CACNA1A: variants seen among roughly 807,000 people sequenced by gnomAD.
CACNA1A encodes calcium voltage-gated channel subunit alpha1 A, also known as voltage-dependent P/Q-type calcium channel subunit alpha-1A.
In CACNA1A, 57 loss-of-function variants were observed where a neutral mutation model predicts 262.4. That is an observed-to-expected ratio of 0.22 (90% CI 0.18 to 0.27). The LOEUF is 0.27. Ranked by LOEUF, CACNA1A falls within the 10% of genes least tolerant of loss-of-function variation. CACNA1A has a pLI of 1.00. For missense variants in CACNA1A, 2,526 were observed against 3,562.8 expected (o/e 0.71, Z 7.41); for synonymous variants, 1,431 against 1,419.3 (o/e 1.01, Z -0.18).
At chr19:13,497,575 TATATAA>T (rs1981840392) in intron 1 of CACNA1A, among the ~76,000 whole-genome samples, 1 of 36,300 alleles carries the variant, frequency 2.8e-5, no homozygotes, top group African/African-American at 1.1e-4. Flanking sequence ...TATATATATA[TATATAA>T]ATTTATGTTG....
chr19:13,225,850 TATTA>T (rs1437052957), intron 37 of CACNA1A: 5 of 152,134 alleles, frequency 3.3e-5, no homozygotes, highest in African/African-American at 7.2e-5. Flanking sequence ...TGTACTTATT[TATTA>T]ATTAAAATAT....
rs573365997 is a variant in CACNA1A at position 13,285,104 on chromosome 19, G to A, written c.3656C>T (p.Pro1219Leu). The part of the protein sequence containing the change: ...RGEDGPKPMP[P>L]YSSMFILSTT... The stretch of plus-strand genomic sequence containing the variant: ...GGACAGGATGAACATGGAGCTATAG[G>A]GAGGCATTGGCTTAGGGCCGTCTTC... The change falls in exon 21 of 47, where the codon CCC becomes CTC. Residue 1219 changes from proline (P) to leucine (L), a missense_variant. Coordinates refer to ENST00000360228, the MANE Select transcript of CACNA1A (RefSeq NM_001127222.2). The A allele has an allele frequency of 2.5e-6, 4 of 1,613,988 alleles. No individual in the cohort carries two copies. The Admixed American group carries it at 5.0e-5, about 20-fold the overall frequency.
intron 3 of CACNA1A, among the ~76,000 whole-genome samples, chr19:13,448,416 G>A (rs1218256385): frequency 6.6e-6 from 1 of 152,028 alleles, no homozygotes; most frequent in Non-Finnish European, 1.5e-5. Context: ...CTTAATACGT[G>A]GGTGATGAAA....
rs962190875 is a variant in CACNA1A at position 13,207,618 on chromosome 19, G to A, written c.7216C>T (p.His2406Tyr). ...HVSEGPPGPR[H>Y]HGYYRGSDYD... is the part of the protein sequence containing the mutation. ...TCGGAGCCCCGGTAGTAGCCATGGT[G>A]CCGGGGACCCGGGGGCCCCTCGGAC... The change falls in exon 47 of 47, where the codon CAC (histidine) becomes TAC (tyrosine). Residue 2406 changes from histidine (H) to tyrosine (Y), a missense_variant. This residue lies in a region of CACNA1A where 929 missense variants were observed against 868.1 expected (regional missense o/e 1.07). Coordinates refer to ENST00000360228, the MANE Select transcript of CACNA1A (RefSeq NM_001127222.2). The surrounding 1 kb of genome is among the most constrained non-coding windows in gnomAD (Gnocchi z 5.7). 3.4e-6 allele frequency: 5 copies of A among 1,479,958 alleles called. No individual in the cohort carries two copies. The African/African-American group carries it at 5.9e-5, about 17-fold the overall frequency. The allele number at this position is 1,479,958 out of a possible 1,614,324, so 91.7% of individuals were successfully genotyped here. A position where few individuals can be genotyped will look rare whatever the true frequency, so the allele number is the denominator to read the frequency against.
At chr19:13,359,882 G>A in intron 5 of CACNA1A, 83 bp from the exon 6 acceptor site, 1 of 901,640 alleles carries the variant, frequency 1.1e-6, no homozygotes, top group Non-Finnish European at 1.6e-6. Context: ...ACTCTATAAT[G>A]CTGTTGGAAC....
chr19:13,309,459 G>A (rs1475144647), intron 12 of CACNA1A, among the ~76,000 whole-genome samples: 1 of 151,556 alleles, frequency 6.6e-6, no homozygotes, highest in Non-Finnish European at 1.5e-5. Flanking sequence ...TTGGGAGGCC[G>A]AGGTGGGCAG....
At chr19:13,447,513 G>GATGTATAT (rs1363978789) in intron 3 of CACNA1A, among the ~76,000 whole-genome samples, 1 of 152,200 alleles carries the variant, frequency 6.6e-6, no homozygotes, top group Admixed American at 6.5e-5. Flanking sequence ...TAACAGGATA[G>GATGTATAT]ATGTATATAT....
intron 3 of CACNA1A, among the ~76,000 whole-genome samples, chr19:13,390,599 A>AC (rs763108413): frequency 6.6e-6 from 1 of 152,192 alleles, no homozygotes; most frequent in Non-Finnish European, 1.5e-5. Flanking sequence ...ATTTAAAATG[A>AC]CCACACAGTG....
intron 19 of CACNA1A, among the ~76,000 whole-genome samples, chr19:13,290,306 A>C (rs778558738): frequency 2.0e-5 from 3 of 152,108 alleles, no homozygotes. Flanking sequence ...CCCTAATTCT[A>C]ACCTGCTTGT....
chr19:13,466,037 T>G (rs186045493), intron 1 of CACNA1A, among the ~76,000 whole-genome samples: 2,151 of 152,130 alleles, frequency 0.014, 55 homozygotes, highest in African/African-American at 0.049. Flanking sequence ...GACTGCTTAA[T>G]GGGTACAAGG....
At chr19:13,378,732 G>A (rs117075005) in intron 3 of CACNA1A, among the ~76,000 whole-genome samples, 13,968 of 150,604 alleles carry the variant, frequency 0.093, 656 homozygotes, top group Middle Eastern at 0.15. Flanking sequence ...GTGCAATCTC[G>A]GCTCACTGCA....
At chr19:13,478,658 A>G (rs10425651) in intron 1 of CACNA1A, among the ~76,000 whole-genome samples, 25,162 of 152,148 alleles carry the variant, frequency 0.17, 3,689 homozygotes, top group African/African-American at 0.37. Flanking sequence ...AATTGGGCAA[A>G]GGTATAAGTA....
intron 6 of CACNA1A, among the ~76,000 whole-genome samples, chr19:13,336,594 G>GGAGAGAGAGGGGGAGAGAGA (rs1555768093): frequency 3.1e-5 from 2 of 65,508 alleles, no homozygotes; most frequent in African/African-American, 5.1e-5. Flanking sequence ...AGAGAGAGAG[G>GGAGAGAGAGGGGGAGAGAGA]GAGAGAGAGA....
chr19:13,443,683 T>C (rs2144890156), intron 3 of CACNA1A, among the ~76,000 whole-genome samples: 1 of 152,244 alleles, frequency 6.6e-6, no homozygotes, highest in African/African-American at 2.4e-5. Context: ...ACCTCATAAG[T>C]TTCAGCTTAT....
chr19:13,502,586 C>T (rs1982519296), intron 1 of CACNA1A, among the ~76,000 whole-genome samples: 1 of 152,158 alleles, frequency 6.6e-6, no homozygotes, highest in Admixed American at 6.5e-5. Context: ...TCAATGAAAA[C>T]ATGAAACCAA....
chr19:13,497,504 AAAAAAAAAAAAAAAAAAATATAT>A (rs1981705221), intron 1 of CACNA1A, among the ~76,000 whole-genome samples: 3 of 40,010 alleles, frequency 7.5e-5, no homozygotes, highest in African/African-American at 1.0e-4. Context: ...AAAAAAAAAA[AAAAAAAAAAAAAAAAAAATATAT>A]ATATATATAT....
intron 3 of CACNA1A, among the ~76,000 whole-genome samples, chr19:13,415,800 G>A (rs2060210690): frequency 7.1e-6 from 1 of 139,964 alleles, no homozygotes; most frequent in African/African-American, 2.6e-5. Context: ...AATTCACTGA[G>A]GCCAATTTCC....
At chr19:13,302,323 C>T (rs180717094) in intron 17 of CACNA1A, among the ~76,000 whole-genome samples, 2 of 152,186 alleles carry the variant, frequency 1.3e-5, no homozygotes, top group African/African-American at 4.8e-5. Context: ...CTCTTGAATC[C>T]CTGCTCCACG....
Position 13,452,957 on chromosome 19 carries a change from A to G in CACNA1A, c.458T>C (p.Ile153Thr), listed in dbSNP as rs369134549. ...IFCFEAGIKIIALGFAFHKGS... is the reference protein window; with the variant it reads ...IFCFEAGIKITALGFAFHKGS... ...TTTGTGGAAGGCAAACCCAAGGGCA[A>G]TGATTTTAATTCCAGCCTCGAAACA... is the stretch of plus-strand genomic sequence containing the variant. The change falls in exon 3 of 47, where the codon ATT (isoleucine) becomes ACT (threonine). Residue 153 changes from isoleucine to threonine, a missense_variant. Physicochemically the swap from Ile to Thr is moderately conservative, Grantham distance 89. Coordinates refer to ENST00000360228, the MANE Select transcript of CACNA1A (RefSeq NM_001127222.2). 3.1e-6 allele frequency: 5 copies of G among 1,613,832 alleles called. No homozygotes were observed. Among genetic ancestry groups the G allele is most frequent in the Non-Finnish European group, 4.2e-6 (5 of 1,179,832 alleles).
Sources: allele counts gnomAD v4.1 joint callset (sites outside exome capture counted in the v4.1 genomes callset), GRCh38; gene constraint gnomAD v4.1.1; regional missense constraint gnomAD v4.1.1; non-coding constraint Gnocchi (gnomAD v3.1); transcripts MANE v1.5; gene names NCBI Gene and HGNC (gene_info 2026-07-23, HGNC 2026-07-21).